The following PLAG1 variants were observed in gnomAD, a reference collection of about 807,000 sequenced individuals.
PLAG1 encodes PLAG1 zinc finger, also known as zinc finger protein PLAG1.
PLAG1 carries 7 observed loss-of-function variants against 35.5 expected under a neutral mutation model. The observed-to-expected ratio is 0.20, with a 90% CI of 0.11 to 0.37. PLAG1 has a LOEUF of 0.37. Ranked by LOEUF, PLAG1 falls within the 10% of genes least tolerant of loss-of-function variation. The pLI, the probability that PLAG1 is intolerant of heterozygous loss-of-function variation, is 1.00. For missense variants in PLAG1, 454 were observed against 602.8 expected (o/e 0.75, Z 2.58); for synonymous variants, 229 against 225.4 (o/e 1.02, Z -0.14).
Position 56,210,466 on chromosome 8 carries a change from C to T in PLAG1, c.-322+655G>A, listed in dbSNP as rs544748895. 2.0e-5 allele frequency among the ~76,000 whole-genome samples: 3 copies of T among 151,172 alleles called. No homozygotes were observed. The South Asian group carries it at 6.3e-4, about 32-fold the overall frequency. On this transcript the variant is annotated intron_variant, in intron 1 of 4. Coordinates refer to ENST00000316981, the MANE Select transcript of PLAG1 (RefSeq NM_002655.3). ...CCTCCCTGCAGACCCCGCACCCCGACCCCGGCTTGCCCACCTGAGGAAAGG... is the reference window on the plus strand; with the variant it reads ...CCTCCCTGCAGACCCCGCACCCCGATCCCGGCTTGCCCACCTGAGGAAAGG...
chr8:56,173,364 A>T (rs192158777), intron 2 of PLAG1, among the ~76,000 whole-genome samples: 1 of 152,236 alleles, frequency 6.6e-6, no homozygotes, highest in Admixed American at 6.5e-5. Flanking sequence ...GTTCTACTAA[A>T]TATCTCCCCC....
In PLAG1 at chr8:56,193,783, C is replaced by T. The variant is rs1359383040; in HGVS notation, c.-321-14270G>A. On this transcript the variant is annotated intron_variant, in intron 1 of 4. Coordinates refer to ENST00000316981, the MANE Select transcript of PLAG1 (RefSeq NM_002655.3). ...CACGATCCCGGCTCACTGCAAGCTC[C>T]GCCTCCCGGGTTCACGCCATTCTCC... is the stretch of plus-strand genomic sequence containing the variant. Among the ~76,000 whole-genome samples, 5 of 150,852 alleles carry T rather than the reference C, an allele frequency of 3.3e-5. No homozygotes were observed. In the East Asian group the frequency reaches 5.9e-4, roughly 18 times the overall value.
intron 1 of PLAG1, among the ~76,000 whole-genome samples, chr8:56,193,611 A>G (rs902110066): frequency 3.3e-5 from 5 of 152,230 alleles, no homozygotes; most frequent in African/African-American, 1.2e-4. Context: ...TACTGAGGCT[A>G]AACGGTTATT....
intron 2 of PLAG1, among the ~76,000 whole-genome samples, chr8:56,174,457 A>G (rs1365293824): frequency 6.6e-6 from 1 of 152,218 alleles, no homozygotes; most frequent in Non-Finnish European, 1.5e-5. Context: ...AAAATCACTT[A>G]TTAGTGAAAA....
At chr8:56,177,271 C>A (rs2129227223) in intron 2 of PLAG1, among the ~76,000 whole-genome samples, 1 of 152,046 alleles carries the variant, frequency 6.6e-6, no homozygotes, top group East Asian at 1.9e-4. Flanking sequence ...TCTGTCCTCC[C>A]TAAGTTATGC....
intron 2 of PLAG1, among the ~76,000 whole-genome samples, chr8:56,175,217 T>G (rs1811649849): frequency 6.6e-6 from 1 of 152,200 alleles, no homozygotes; most frequent in East Asian, 1.9e-4. Context: ...ACAAGCATTC[T>G]CTAATCTTAA....
At position 56,164,137 on chromosome 8, in the gene PLAG1, A is replaced by G. The variant is rs1304483861; in HGVS notation, c.*2106T>C. ...AAAATGTACTTCCTTATTAACATATATAATTTTAATGCCTTTGGAACACAC... is the reference window on the plus strand; with the variant it reads ...AAAATGTACTTCCTTATTAACATATGTAATTTTAATGCCTTTGGAACACAC... On this transcript the variant is annotated 3_prime_UTR_variant, in exon 5 of 5. Transcript: ENST00000316981. 1 of 187,572 alleles carries G rather than the reference A, an allele frequency of 5.3e-6. No individual in the cohort carries two copies. The highest frequency in any genetic ancestry group is 1.1e-5 in the Non-Finnish European group (1 of 88,642). 11.6% of individuals were successfully genotyped at this position (187,572 alleles called of 1,614,324 possible).
intron 1 of PLAG1, among the ~76,000 whole-genome samples, chr8:56,179,904 G>A (rs1238370397): frequency 6.6e-6 from 1 of 152,076 alleles, no homozygotes; most frequent in African/African-American, 2.4e-5. Flanking sequence ...TGCTATGGGA[G>A]AAATCTTGCC....
chr8:56,164,552 TTTTC>T lies in PLAG1; in HGVS notation c.*1687_*1690del, dbSNP rs767723499. ...AGGGCTAATGAGTGCTCAGAAATAT[TTTTC>T]TTTCTGTTTTTTTTTAAAGAGATAT... On this transcript the variant is annotated 3_prime_UTR_variant, in exon 5 of 5. Transcript: ENST00000316981. The T allele has an allele frequency of 8.4e-5, 19 of 225,018 alleles. No individual in the cohort carries two copies. The highest frequency in any genetic ancestry group is 2.6e-4 in the East Asian group (4 of 15,518). The allele number at this position is 225,018 out of a possible 1,614,324, so 13.9% of individuals were successfully genotyped here.
rs1327715098 is a variant in PLAG1 at position 56,161,483 on chromosome 8, TGTTA to T, written c.*4756_*4759del. On this transcript the variant is annotated 3_prime_UTR_variant, in exon 5 of 5. Coordinates refer to ENST00000316981, the MANE Select transcript of PLAG1 (RefSeq NM_002655.3). ...CCAGTTTTTGTTAAATTCAAAGGGCTGTTAGTAACATACAGCATGTTCTTCACTC... is the reference window on the plus strand; with the variant it reads ...CCAGTTTTTGTTAAATTCAAAGGGCTGTAACATACAGCATGTTCTTCACTC... 1.3e-5 allele frequency: 3 copies of T among 225,592 alleles called. No homozygotes were observed. Among genetic ancestry groups the T allele is most frequent in the African/African-American group, 2.2e-5 (1 of 44,940 alleles). The allele number at this position is 225,592 out of a possible 1,614,324, so 14.0% of individuals were successfully genotyped here.
chr8:56,186,412 T>A (rs1259193394), intron 1 of PLAG1, among the ~76,000 whole-genome samples: 1 of 152,142 alleles, frequency 6.6e-6, no homozygotes, highest in Non-Finnish European at 1.5e-5. Context: ...CACTCTGTCA[T>A]CCAGGCTGGA....
chr8:56,207,964 G>GA (rs370181023), intron 1 of PLAG1, among the ~76,000 whole-genome samples: 2 of 151,614 alleles, frequency 1.3e-5, no homozygotes, highest in East Asian at 1.9e-4. Context: ...ATGAGAGGAA[G>GA]AAAAAAAATC....
At chr8:56,201,398 T>G (rs533393094) in intron 1 of PLAG1, among the ~76,000 whole-genome samples, 1 of 152,230 alleles carries the variant, frequency 6.6e-6, no homozygotes, top group Non-Finnish European at 1.5e-5. Flanking sequence ...ATCCTTATTA[T>G]GAGACAAAGT....
In PLAG1 at chr8:56,162,280, G is replaced by A; in HGVS notation, c.*3963C>T. The A allele has an allele frequency of 4.4e-6, 1 of 228,640 alleles. No homozygotes were observed. The highest frequency in any genetic ancestry group is 6.2e-5 in the East Asian group (1 of 16,016). The allele number at this position is 228,640 out of a possible 1,614,324, so 14.2% of individuals were successfully genotyped here. Reference sequence around the variant, plus strand: ...CTCCTCCAATGTCACATGGATCTCAGTAGGCTAGAAGCAACTTGGGTGAAC... The same window carrying A: ...CTCCTCCAATGTCACATGGATCTCAATAGGCTAGAAGCAACTTGGGTGAAC... On this transcript the variant is annotated 3_prime_UTR_variant, in exon 5 of 5. Transcript: ENST00000316981.
intron 1 of PLAG1, among the ~76,000 whole-genome samples, chr8:56,203,598 A>G (rs1361321181): frequency 6.6e-6 from 1 of 152,114 alleles, no homozygotes; most frequent in African/African-American, 2.4e-5. Context: ...GAAGCAAGAT[A>G]AAGAAAAACA....
At chr8:56,178,224 A>G (rs892058568) in intron 2 of PLAG1, among the ~76,000 whole-genome samples, 1 of 152,342 alleles carries the variant, frequency 6.6e-6, no homozygotes, top group Admixed American at 6.5e-5. Context: ...ATATCAGAGG[A>G]AATTTTCAAC....
In PLAG1 at chr8:56,166,445, G is replaced by C; in HGVS notation, c.1301C>G (p.Pro434Arg). 1 of 1,613,248 alleles carries C rather than the reference G, an allele frequency of 6.2e-7. No individual in the cohort carries two copies. The highest frequency in any genetic ancestry group is 8.5e-7 in the Non-Finnish European group (1 of 1,179,534). ...CATTCCAAGGCTCCCCACTGATAGA[G>C]GATTATAGGGAGGACCATTTAAAGG... ...FIPLNGPPYN[P>R]LSVGSLGMSY... The change falls in exon 5 of 5, where the codon CCT (proline) becomes CGT (arginine). Residue 434 changes from proline to arginine, a missense_variant. Physicochemically the swap from Pro to Arg is moderately radical, Grantham distance 103. Around this residue, in one of 4 missense-constraint regions of PLAG1, gnomAD observed 271 missense variants for 315.6 expected, o/e 0.86. Coordinates refer to ENST00000316981, the MANE Select transcript of PLAG1 (RefSeq NM_002655.3).
intron 1 of PLAG1, among the ~76,000 whole-genome samples, chr8:56,208,054 A>C (rs1386513230): frequency 6.6e-6 from 1 of 152,034 alleles, no homozygotes; most frequent in African/African-American, 2.4e-5. Context: ...ATAATCTAAT[A>C]TAACTTGAAT....
At chr8:56,192,499 C>T (rs1334458981) in intron 1 of PLAG1, among the ~76,000 whole-genome samples, 2 of 152,176 alleles carry the variant, frequency 1.3e-5, no homozygotes, top group African/African-American at 4.8e-5. Flanking sequence ...TACAATGTTA[C>T]ATTTTTAAAA....
Sources: allele counts gnomAD v4.1 joint callset (sites outside exome capture counted in the v4.1 genomes callset), GRCh38; gene constraint gnomAD v4.1.1; regional missense constraint gnomAD v4.1.1; transcripts MANE v1.5; gene names NCBI Gene and HGNC (gene_info 2026-07-23, HGNC 2026-07-21).